Variants in ERBB4 observed in about 807,000 individuals in gnomAD.
ERBB4 encodes the protein erb-b2 receptor tyrosine kinase 4, also known as receptor tyrosine-protein kinase erbB-4.
A neutral mutation model predicts 158.0 loss-of-function variants in ERBB4; 42 were observed. The observed-to-expected ratio is 0.27, with a 90% CI of 0.21 to 0.34. The LOEUF (loss-of-function observed/expected upper bound fraction) is 0.34. Ranked by LOEUF, ERBB4 falls within the 10% of genes least tolerant of loss-of-function variation. ERBB4 has a pLI of 1.00. For synonymous variants in ERBB4, 583 were observed against 558.7 expected, an observed-to-expected ratio of 1.04 and a Z score of -0.61; for missense variants, 1,333 against 1,624.1, an observed-to-expected ratio of 0.82 and a Z score of 3.08.
intron 20 of ERBB4, among the ~76,000 whole-genome samples, chr2:211,469,085 C>G (rs1309045351): frequency 2.6e-5 from 4 of 151,894 alleles, no homozygotes; most frequent in African/African-American, 4.8e-5. Flanking sequence ...GTAATGAGAC[C>G]AAACAGAGCT....
intron 4 of ERBB4, among the ~76,000 whole-genome samples, chr2:211,773,598 T>C (rs1575125444): frequency 3.4e-5 from 1 of 29,796 alleles, no homozygotes; most frequent in South Asian, 1.9e-3. Context: ...TTCTGTAACT[T>C]TATATATATA....
intron 20 of ERBB4, among the ~76,000 whole-genome samples, chr2:211,505,488 T>A: frequency 7.9e-6 from 1 of 126,328 alleles, no homozygotes. Flanking sequence ...AGAATGATAC[T>A]CACCATCATA....
At chr2:211,621,041 G>A (rs1201440102) in intron 18 of ERBB4, among the ~76,000 whole-genome samples, 1 of 152,126 alleles carries the variant, frequency 6.6e-6, no homozygotes, top group African/African-American at 2.4e-5. Context: ...TTTGAGCCCA[G>A]GAGGTTGAGG....
At chr2:211,786,824 C>G (rs953118401) in intron 4 of ERBB4, among the ~76,000 whole-genome samples, 10 of 152,188 alleles carry the variant, frequency 6.6e-5, no homozygotes, top group African/African-American at 2.4e-4. Context: ...AGACTGAAAA[C>G]AGAAGGCATT....
At chr2:211,401,228 T>G (rs192231667) in intron 25 of ERBB4, among the ~76,000 whole-genome samples, 1 of 152,148 alleles carries the variant, frequency 6.6e-6, no homozygotes, top group Admixed American at 6.6e-5. Context: ...GCAACTAAAA[T>G]AAATGAACTG....
chr2:211,771,001 A>T (rs542213102), intron 4 of ERBB4, among the ~76,000 whole-genome samples: 4 of 152,338 alleles, frequency 2.6e-5, no homozygotes, highest in African/African-American at 9.6e-5. Flanking sequence ...GCCAATTTCA[A>T]ACTAACACAT....
At chr2:212,252,803 T>C (rs2084587970) in intron 1 of ERBB4, among the ~76,000 whole-genome samples, 1 of 152,020 alleles carries the variant, frequency 6.6e-6, no homozygotes, top group South Asian at 2.1e-4. Flanking sequence ...CACTTACACA[T>C]GTAGGTGTGA....
rs115993927 is a variant in ERBB4, at chr2:211,379,941, T to G, written c.*3674A>C. On this transcript the variant is annotated 3_prime_UTR_variant, in exon 28 of 28. Transcript: ENST00000342788. ...CATCTAGTAGCAGAGCCTCACACAG[T>G]CCTTTTCTTGATTTTTCCTTAGCAT... 4.3e-6 allele frequency: 1 copy of G among 231,904 alleles called. No individual in the cohort carries two copies. Among genetic ancestry groups the G allele is most frequent in the Non-Finnish European group, 8.5e-6 (1 of 117,342 alleles). The allele number at this position is 231,904 out of a possible 1,614,324, so 14.4% of individuals were successfully genotyped here. A position where few individuals can be genotyped will look rare whatever the true frequency, so the allele number is the denominator to read the frequency against.
chr2:211,673,276 C>T lies in ERBB4; in HGVS notation c.1623-19G>A, dbSNP rs1438427943. ...AAATTCACTGTGAAAACATCAGCCACATGAGGAGGTGTAAGCAAACAAGCG... is the reference window on the plus strand; with the variant it reads ...AAATTCACTGTGAAAACATCAGCCATATGAGGAGGTGTAAGCAAACAAGCG... On this transcript the variant is annotated intron_variant, in intron 13 of 27. Transcript: ENST00000342788. 1.9e-6 allele frequency: 3 copies of T among 1,574,556 alleles called. No individual in the cohort carries two copies. The highest frequency in any genetic ancestry group is 2.6e-6 in the Non-Finnish European group (3 of 1,144,284).
intron 20 of ERBB4, among the ~76,000 whole-genome samples, 164 bp from the exon 21 acceptor site, chr2:211,431,264 G>T (rs1446629328): frequency 6.6e-6 from 1 of 152,168 alleles, no homozygotes; most frequent in Non-Finnish European, 1.5e-5. Flanking sequence ...TTGGGGGACA[G>T]CAAACCACAA....
intron 20 of ERBB4, among the ~76,000 whole-genome samples, chr2:211,480,987 T>C (rs2065068491): frequency 6.6e-6 from 1 of 152,184 alleles, no homozygotes; most frequent in East Asian, 1.9e-4. Context: ...ATCAGCTCTA[T>C]ATATCAGCAT....
In ERBB4 at chr2:212,119,064, G is replaced by A. The variant is rs543396830; in HGVS notation, c.234+5688C>T. On this transcript the variant is annotated intron_variant, in intron 2 of 27. Coordinates refer to ENST00000342788, the MANE Select transcript of ERBB4 (RefSeq NM_005235.3). ...TAAAATTTAAGGTTTCTAGACTACA[G>A]CATAAGGAGTTCCAATGAATTACGA... Among the ~76,000 whole-genome samples, 11 of 152,006 alleles carry A rather than the reference G, an allele frequency of 7.2e-5. 1 individual carries two copies. In the South Asian group the frequency reaches 2.3e-3, roughly 32 times the overall value.
intron 1 of ERBB4, among the ~76,000 whole-genome samples, chr2:212,163,220 T>C (rs1417243473): frequency 6.6e-6 from 1 of 152,012 alleles, no homozygotes; most frequent in Non-Finnish European, 1.5e-5. Flanking sequence ...TGTGTGTATG[T>C]ATATATACTT....
At chr2:211,742,046 T>C (rs1238919703) in intron 5 of ERBB4, among the ~76,000 whole-genome samples, 1 of 152,178 alleles carries the variant, frequency 6.6e-6, no homozygotes, top group Non-Finnish European at 1.5e-5. Flanking sequence ...ATAATTGAAA[T>C]CAATAAGAAG....
chr2:212,451,173 G>C (rs569997836), intron 1 of ERBB4, among the ~76,000 whole-genome samples: 1 of 152,276 alleles, frequency 6.6e-6, no homozygotes, highest in South Asian at 2.1e-4. Context: ...GAAAATAAAT[G>C]TATCTATAGA....
intron 20 of ERBB4, among the ~76,000 whole-genome samples, chr2:211,528,959 G>C (rs2066422406): frequency 6.6e-6 from 1 of 151,434 alleles, no homozygotes; most frequent in African/African-American, 2.4e-5. Flanking sequence ...AGAAAAGCAA[G>C]AGCAAACCAA....
At chr2:212,313,380 T>C (rs958348974) in intron 1 of ERBB4, among the ~76,000 whole-genome samples, 21 of 150,916 alleles carry the variant, frequency 1.4e-4, no homozygotes, top group Non-Finnish European at 2.8e-4. Flanking sequence ...TGTGACAGCA[T>C]TTTCATTTAC....
intron 19 of ERBB4, among the ~76,000 whole-genome samples, chr2:211,576,060 C>T (rs1392315192): frequency 1.3e-5 from 2 of 151,908 alleles, no homozygotes; most frequent in East Asian, 1.9e-4. Flanking sequence ...TTGGAGGTAA[C>T]AGCAATGAGT....
intron 2 of ERBB4, among the ~76,000 whole-genome samples, chr2:211,973,368 A>AT (rs2081511034): frequency 6.6e-6 from 1 of 151,896 alleles, no homozygotes; most frequent in African/African-American, 2.4e-5. Context: ...CACCTGGCTA[A>AT]TTTTTTGTAT....
Sources: allele counts gnomAD v4.1 joint callset (sites outside exome capture counted in the v4.1 genomes callset), GRCh38; gene constraint gnomAD v4.1.1; transcripts MANE v1.5; gene names NCBI Gene and HGNC (gene_info 2026-07-23, HGNC 2026-07-21).